SECISBP2: variants seen among roughly 807,000 people sequenced by gnomAD.
SECISBP2 encodes SECIS binding protein 2.
SECISBP2 carries 96 observed loss-of-function variants against 98.2 expected under a neutral mutation model. The observed-to-expected ratio is 0.98, with a 90% CI of 0.83 to 1.16. The LOEUF is 1.16. Ranked by LOEUF, SECISBP2 falls within the 50% of genes most tolerant of loss-of-function variation. SECISBP2 has a pLI of 0.00. For synonymous variants in SECISBP2, 407 were observed against 370.2 expected (o/e 1.10, Z -1.14); for missense variants, 1,046 against 1,022.9 (o/e 1.02, Z -0.31).
At chr9:89,355,725 G>A (rs1239579930) in intron 14 of SECISBP2, 1 of 207,678 alleles carries the variant, frequency 4.8e-6, no homozygotes, top group Non-Finnish European at 8.4e-6. Context: ...TTAAAATTCT[G>A]TATATCTCCT....
chr9:89,335,115 C>T (rs1587909210), intron 7 of SECISBP2, among the ~76,000 whole-genome samples: 1 of 151,096 alleles, frequency 6.6e-6, no homozygotes, highest in East Asian at 2.0e-4. Flanking sequence ...ACTCGGGAGG[C>T]TGAGACAGGA....
At chr9:89,327,553 T>C (rs1354641041) in intron 4 of SECISBP2, among the ~76,000 whole-genome samples, 1 of 152,146 alleles carries the variant, frequency 6.6e-6, no homozygotes, top group Non-Finnish European at 1.5e-5. Flanking sequence ...CTTTTTTCTA[T>C]TAATTTTTTT....
At chr9:89,319,045 G>C in intron 1 of SECISBP2, 1 of 1,016,278 alleles carries the variant, frequency 9.8e-7, no homozygotes, top group Non-Finnish European at 1.2e-6. Flanking sequence ...ATCATTTTTA[G>C]ACCCATAAAA....
At chr9:89,363,793 G>A (rs745312622), downstream of SECISBP2, 5 of 1,613,836 alleles carry the variant, frequency 3.1e-6, no homozygotes, top group Admixed American at 8.3e-5. Context: ...CTGCTGAGGA[G>A]AGGACAGAGC....
In SECISBP2 at chr9:89,339,906, A is replaced by G; in HGVS notation, c.1255A>G (p.Arg419Gly). Residue 419 changes from arginine (R) to glycine (G), a missense_variant, in exon 9 of 17, where the codon AGA (arginine) becomes GGA (glycine). Transcript: ENST00000375807. ...CAACCTGGCAGTTGCATCTGAAAGA[A>G]GAGACAGAATAGAGACACCGAAATT... is the stretch of plus-strand genomic sequence containing the variant. ...FPNLAVASER[R>G]DRIETPKFQS... 6.2e-7 allele frequency: 1 copy of G among 1,613,936 alleles called. No homozygotes were observed. Among genetic ancestry groups the G allele is most frequent in the Non-Finnish European group, 8.5e-7 (1 of 1,179,850 alleles).
At chr9:89,355,501 C>A in intron 14 of SECISBP2, 1 of 958,040 alleles carries the variant, frequency 1.0e-6, no homozygotes. Context: ...GGGATGTTGA[C>A]CTCTTTTAGA....
chr9:89,332,907 G>A lies in SECISBP2; in HGVS notation c.802-1G>A, dbSNP rs1827994783. Reference sequence around the variant, plus strand: ...TGACATCTAATGTGTTTGCTTTTTAGGGTGAAATAGTGGTGAAAAATAACC... The same window carrying A: ...TGACATCTAATGTGTTTGCTTTTTAAGGTGAAATAGTGGTGAAAAATAACC... On this transcript the variant is annotated splice_acceptor_variant, in intron 5 of 16. Coordinates refer to ENST00000375807, the MANE Select transcript of SECISBP2 (RefSeq NM_024077.5). LOFTEE classifies it high-confidence loss of function. 6.2e-7 allele frequency: 1 copy of A among 1,612,392 alleles called. No individual in the cohort carries two copies. The highest frequency in any genetic ancestry group is 1.7e-5 in the Admixed American group (1 of 59,998).
intron 6 of SECISBP2, chr9:89,334,056 C>T: frequency 9.2e-7 from 1 of 1,092,706 alleles, no homozygotes; most frequent in Non-Finnish European, 1.1e-6. Context: ...AGTAGTGTTG[C>T]TGTACTTATG....
chr9:89,334,128 A>T (rs947552786), intron 6 of SECISBP2: 2 of 1,140,978 alleles, frequency 1.8e-6, no homozygotes, highest in Admixed American at 9.5e-5. Flanking sequence ...GTGATCTTTG[A>T]CTTCTGATGT....
At chr9:89,318,887 C>T (rs1825179148) in intron 1 of SECISBP2, 3 of 1,244,748 alleles carry the variant, frequency 2.4e-6, no homozygotes, top group Non-Finnish European at 3.0e-6. Context: ...CCGGCGCTCC[C>T]CGCAGTCGGG....
intron 11 of SECISBP2, among the ~76,000 whole-genome samples, chr9:89,347,529 A>G (rs549352834): frequency 1.4e-5 from 2 of 143,754 alleles, no homozygotes; most frequent in South Asian, 2.2e-4. Context: ...CTGGAGTGCA[A>G]TAGAGCGATC....
chr9:89,337,937 C>T (rs1287892287), intron 7 of SECISBP2, among the ~76,000 whole-genome samples: 1 of 152,206 alleles, frequency 6.6e-6, no homozygotes, highest in African/African-American at 2.4e-5. Flanking sequence ...GTGCAAAGGC[C>T]CTGTGGCCAA....
chr9:89,363,690 A>G (rs748972520), downstream of SECISBP2: 48 of 1,596,526 alleles, frequency 3.0e-5, no homozygotes, highest in South Asian at 2.8e-4. Flanking sequence ...CATTGTAAAT[A>G]GTGAAAAATT....
chr9:89,330,624 T>A (rs1209391508), intron 5 of SECISBP2, among the ~76,000 whole-genome samples: 1 of 152,208 alleles, frequency 6.6e-6, no homozygotes, highest in Non-Finnish European at 1.5e-5. Context: ...CATACAGTTG[T>A]ACCCTCACAC....
chr9:89,336,081 CTTTTTTTT>C (rs59799418), intron 7 of SECISBP2, among the ~76,000 whole-genome samples: 1,916 of 32,992 alleles, frequency 0.058, 61 homozygotes, highest in South Asian at 0.3. Context: ...ATTTTAAGTG[CTTTTTTTT>C]TTTTTTTTTT....
chr9:89,328,827 G>A lies in SECISBP2; in HGVS notation c.742G>A (p.Val248Ile). ...KQPKWGPVHS[V>I]STDISLLREV... ...ACCCAAGTGGGGACCTGTCCACTCT[G>A]TCTCTACCGACATTTCTCTTCTAAG... The change falls in exon 5 of 17, where the codon GTC (valine) becomes ATC (isoleucine). Residue 248 changes from valine (V) to isoleucine (I), a missense_variant. Transcript: ENST00000375807. 1 of 1,614,228 alleles carries A rather than the reference G, an allele frequency of 6.2e-7. No individual in the cohort carries two copies. The highest frequency in any genetic ancestry group is 1.3e-5 in the African/African-American group (1 of 75,066).
intron 7 of SECISBP2, among the ~76,000 whole-genome samples, chr9:89,336,793 A>G (rs1303435401): frequency 5.3e-5 from 5 of 93,670 alleles, no homozygotes; most frequent in African/African-American, 1.4e-4. Flanking sequence ...TTTTTTTGAG[A>G]TGGAGTCTTG....
chr9:89,336,106 T>TC (rs1828655758), intron 7 of SECISBP2, among the ~76,000 whole-genome samples: 1 of 144,184 alleles, frequency 6.9e-6, no homozygotes, highest in African/African-American at 2.6e-5. Flanking sequence ...TTTTTTTTTT[T>TC]TTCACTGCAG....
intron 8 of SECISBP2, among the ~76,000 whole-genome samples, chr9:89,339,409 T>C (rs756886000): frequency 3.9e-5 from 6 of 152,230 alleles, no homozygotes; most frequent in African/African-American, 1.4e-4. Flanking sequence ...ACCTAAAATA[T>C]TGACAAAATG....
Sources: allele counts gnomAD v4.1 joint callset (sites outside exome capture counted in the v4.1 genomes callset), GRCh38; gene constraint gnomAD v4.1.1; transcripts MANE v1.5; gene names NCBI Gene and HGNC (gene_info 2026-07-23, HGNC 2026-07-21).